The following CIT variants were observed in gnomAD, a reference collection of about 807,000 sequenced individuals.
The protein encoded by CIT is citron Rho-interacting kinase.
A neutral mutation model predicts 272.7 loss-of-function variants in CIT; 79 were observed. The ratio of observed to expected loss-of-function variants is 0.29; its 90% CI spans 0.24 to 0.35. The LOEUF (loss-of-function observed/expected upper bound fraction) is 0.35. Ranked by LOEUF, CIT falls within the 10% of genes least tolerant of loss-of-function variation. CIT has a pLI of 1.00. For synonymous variants in CIT, 948 were observed against 995.6 expected (o/e 0.95, Z 0.90); for missense variants, 1,909 against 2,618.3 (o/e 0.73, Z 5.91).
chr12:119,831,723 G>T (rs1234392121), intron 7 of CIT, among the ~76,000 whole-genome samples: 2 of 152,106 alleles, frequency 1.3e-5, no homozygotes, highest in African/African-American at 4.8e-5. Context: ...CAAAAAATTA[G>T]CTGGGCATGG....
intron 10 of CIT, among the ~76,000 whole-genome samples, chr12:119,796,636 T>G (rs1215079533): frequency 6.6e-6 from 1 of 152,018 alleles, no homozygotes; most frequent in East Asian, 1.9e-4. Flanking sequence ...ATCCTGGTGA[T>G]GAGGAACACA....
intron 23 of CIT, among the ~76,000 whole-genome samples, chr12:119,746,041 G>A (rs537767000): frequency 1.4e-4 from 22 of 152,200 alleles, no homozygotes; most frequent in African/African-American, 5.1e-4. Flanking sequence ...AAGTAAGACT[G>A]TGGCTATCTG....
At chr12:119,787,213 C>T (rs2137734535) in intron 10 of CIT, among the ~76,000 whole-genome samples, 2 of 152,178 alleles carry the variant, frequency 1.3e-5, no homozygotes, top group Middle Eastern at 6.8e-3. Flanking sequence ...AATCCGCCCG[C>T]CTCAGTCTCC....
chr12:119,691,247 C>T (rs2136917849), intron 46 of CIT, among the ~76,000 whole-genome samples: 1 of 151,828 alleles, frequency 6.6e-6, no homozygotes, highest in East Asian at 1.9e-4. Flanking sequence ...TACTATTTCC[C>T]AGAGCCTAGA....
At chr12:119,830,649 T>C (rs1968551838) in intron 7 of CIT, among the ~76,000 whole-genome samples, 1 of 152,142 alleles carries the variant, frequency 6.6e-6, no homozygotes, top group Non-Finnish European at 1.5e-5. Flanking sequence ...CATCTGGCAA[T>C]GTCTAGAGAC....
At chr12:119,705,497 G>A (rs1956822259) in intron 40 of CIT, among the ~76,000 whole-genome samples, 1 of 152,124 alleles carries the variant, frequency 6.6e-6, no homozygotes, top group South Asian at 2.1e-4. Context: ...TTCTTGGACT[G>A]GGTAGTGAGT....
At chr12:119,847,180 T>C (rs1650699638) in intron 5 of CIT, among the ~76,000 whole-genome samples, 1 of 151,940 alleles carries the variant, frequency 6.6e-6, no homozygotes, top group Non-Finnish European at 1.5e-5. Flanking sequence ...GAGACGAGGT[T>C]TCACCATGTT....
At position 119,845,992 on chromosome 12, in the gene CIT, GA is replaced by G. The variant is rs1430676707; in HGVS notation, c.516+4181del. Among the ~76,000 whole-genome samples, 98 of 135,856 alleles carry G rather than the reference GA, an allele frequency of 7.2e-4. 1 individual carries two copies. The highest frequency in any genetic ancestry group is 2.8e-3 in the African/African-American group (88 of 31,998). 89.1% of individuals were successfully genotyped at this position (135,856 alleles called of 152,430 possible). ...CACACACACACACACACAGAAAAAG[GA>G]AAGTTATTTCTACTATGACAAAACT... On this transcript the variant is annotated intron_variant, in intron 5 of 47. Coordinates refer to ENST00000392521, the MANE Select transcript of CIT (RefSeq NM_001206999.2).
chr12:119,864,332 AG>A (rs1325366626), intron 3 of CIT, among the ~76,000 whole-genome samples: 2 of 151,702 alleles, frequency 1.3e-5, no homozygotes, highest in Non-Finnish European at 2.9e-5. Context: ...TTTTTTTTGA[AG>A]GGGGTGTTGT....
At chr12:119,813,254 C>T (rs17527313) in intron 9 of CIT, among the ~76,000 whole-genome samples, 2,024 of 152,318 alleles carry the variant, frequency 0.013, 29 homozygotes, top group Non-Finnish European at 0.02. Context: ...GGTCTTAGAT[C>T]CCAAACTGCC....
chr12:119,795,811 G>C (rs1965687222), intron 10 of CIT, among the ~76,000 whole-genome samples: 1 of 152,194 alleles, frequency 6.6e-6, no homozygotes, highest in Non-Finnish European at 1.5e-5. Flanking sequence ...CTACCTCATA[G>C]AGTTACAGTG....
chr12:119,826,880 GT>G (rs1200961254), intron 7 of CIT, among the ~76,000 whole-genome samples: 8 of 152,166 alleles, frequency 5.3e-5, no homozygotes, highest in Admixed American at 5.2e-4. Context: ...GAAAGTGAAT[GT>G]TTAGTGAGGA....
At chr12:119,841,566 G>C (rs1969411825) in intron 5 of CIT, among the ~76,000 whole-genome samples, 1 of 152,116 alleles carries the variant, frequency 6.6e-6, no homozygotes, top group Non-Finnish European at 1.5e-5. Context: ...ATTTTAGCTT[G>C]ACAGAGGCCA....
At position 119,703,823 on chromosome 12, in the gene CIT, C is replaced by T. The variant is rs555426512; in HGVS notation, c.5304+540G>A. ...GGTAGGGACATCAGACAGCATTCTC[C>T]AGAAGCCAGGCAGATTTAAGGATCT... On this transcript the variant is annotated intron_variant, in intron 41 of 47. Transcript: ENST00000392521. Among the ~76,000 whole-genome samples the T allele has an allele frequency of 3.7e-4, 56 of 152,292 alleles. No individual in the cohort carries two copies. In the Middle Eastern group the frequency reaches 0.027, roughly 74 times the overall value.
chr12:119,756,638 GT>G (rs1961024449), intron 22 of CIT, among the ~76,000 whole-genome samples: 1 of 152,200 alleles, frequency 6.6e-6, no homozygotes, highest in Admixed American at 6.5e-5. Flanking sequence ...AGAGTAGCCT[GT>G]TCCATCTTTC....
At chr12:119,875,865 G>T (rs989871460) in intron 2 of CIT, among the ~76,000 whole-genome samples, 1 of 152,168 alleles carries the variant, frequency 6.6e-6, no homozygotes, top group Non-Finnish European at 1.5e-5. Flanking sequence ...GCAGGCGGCT[G>T]TAGTCCCAGC....
Position 119,850,157 on chromosome 12 carries a change from C to A in CIT, c.516+17G>T. The A allele has an allele frequency of 6.9e-7, 1 of 1,457,888 alleles. No individual in the cohort carries two copies. Among genetic ancestry groups the A allele is most frequent in the Non-Finnish European group, 9.6e-7 (1 of 1,038,294 alleles). 90.3% of individuals were successfully genotyped at this position (1,457,888 alleles called of 1,614,324 possible). A position where few individuals can be genotyped will look rare whatever the true frequency, so the allele number is the denominator to read the frequency against. ...GAGTGCTAGGCTAATTCCAGAGAGA[C>A]AGATGTAAAGACTCACCAGATAAAG... On this transcript the variant is annotated intron_variant, in intron 5 of 47. Coordinates refer to ENST00000392521, the MANE Select transcript of CIT (RefSeq NM_001206999.2).
At chr12:119,835,853 C>A (rs1329643247) in intron 5 of CIT, among the ~76,000 whole-genome samples, 1 of 152,162 alleles carries the variant, frequency 6.6e-6, no homozygotes, top group East Asian at 1.9e-4. Flanking sequence ...GCCAGTGACT[C>A]GCGCATCCTC....
chr12:119,802,805 CAT>C (rs1302700054), intron 10 of CIT, among the ~76,000 whole-genome samples: 1 of 152,208 alleles, frequency 6.6e-6, no homozygotes, highest in East Asian at 1.9e-4. Context: ...TAGCAACCCC[CAT>C]CCACCCACTT....
Sources: gnomAD v4.1 joint callset for allele counts (sites outside exome capture counted in the v4.1 genomes callset) on GRCh38, gnomAD v4.1.1 for gene constraint, MANE v1.5 for transcripts, NCBI Gene and HGNC (gene_info 2026-07-23, HGNC 2026-07-21) for gene names.